KDR: variants seen among roughly 807,000 people sequenced by gnomAD.
KDR encodes the protein vascular endothelial growth factor receptor 2.
In KDR, 43 loss-of-function variants were observed where a neutral mutation model predicts 160.9. The ratio of observed to expected loss-of-function variants is 0.27; its 90% CI spans 0.21 to 0.34. The LOEUF (loss-of-function observed/expected upper bound fraction) is 0.34. KDR is among the 10% of genes least tolerant of loss of function. The probability of loss-of-function intolerance (pLI) is 1.00; values close to 1 mark genes in which losing one functional copy is unlikely to be tolerated. For missense variants in KDR, 1,469 were observed against 1,666.4 expected (o/e 0.88, Z 2.06); for synonymous variants, 617 against 600.1 (o/e 1.03, Z -0.41).
intron 27 of KDR, among the ~76,000 whole-genome samples, chr4:55,087,111 G>GA (rs1187751754): frequency 6.6e-6 from 1 of 152,162 alleles, no homozygotes; most frequent in Non-Finnish European, 1.5e-5. Flanking sequence ...CTGAAAATCA[G>GA]ACGTGGGAGG....
intron 12 of KDR, 59 bp downstream of exon 12, chr4:55,105,773 A>ATAGCT (rs1313497677): frequency 9.8e-7 from 1 of 1,023,880 alleles, no homozygotes; most frequent in Non-Finnish European, 1.6e-6. Context: ...AGGGAATTAC[A>ATAGCT]TAGCTTAGTA....
intron 2 of KDR, among the ~76,000 whole-genome samples, chr4:55,120,834 G>C (rs1046959939): frequency 1.6e-4 from 16 of 103,168 alleles, no homozygotes; most frequent in African/African-American, 6.1e-4. Flanking sequence ...ATGTGGGTGT[G>C]GGTGTGTATT....
At chr4:55,092,799 T>A in intron 21 of KDR, 85 bp from the exon 22 acceptor site, 1 of 974,168 alleles carries the variant, frequency 1.0e-6, no homozygotes, top group East Asian at 2.5e-5. Context: ...ATAATCTTTT[T>A]AAGACTTGGG....
chr4:55,113,975 G>A, intron 6 of KDR, 151 bp downstream of exon 6: 1 of 779,768 alleles, frequency 1.3e-6, no homozygotes, highest in South Asian at 1.5e-5. Context: ...AATTGTGTGT[G>A]TGTGTATGTG....
chr4:55,082,214 C>T (rs902230664), intron 28 of KDR, among the ~76,000 whole-genome samples, 173 bp from the exon 29 acceptor site: 3 of 152,208 alleles, frequency 2.0e-5, no homozygotes, highest in Admixed American at 6.5e-5. Context: ...GCAACTGCTT[C>T]CTATGAGTAG....
chr4:55,114,998 G>A lies in KDR; in HGVS notation c.534C>T (p.Ser178=), dbSNP rs770000317. 51 of 1,613,596 alleles carry A rather than the reference G, an allele frequency of 3.2e-5. No individual in the cohort carries two copies. Among genetic ancestry groups the A allele is most frequent in the Middle Eastern group, 1.6e-4 (1 of 6,082 alleles). The change falls in exon 5 of 30, where the codon TCC becomes TCT. Residue 178 remains serine (S), a synonymous_variant. Transcript: ENST00000263923. ...KRFVPDGNRI[S]WDSKKGFTIP... is the part of the protein sequence containing the mutation. The stretch of plus-strand genomic sequence containing the variant: ...TAGTAAAGCCCTTCTTGCTGTCCCA[G>A]GAAATTCTGTTACCATCAGGAACAA...
At chr4:55,115,438 G>C in intron 3 of KDR, 27 bp from the exon 4 acceptor site, 7 of 1,217,066 alleles carry the variant, frequency 5.8e-6, no homozygotes, top group Non-Finnish European at 8.5e-6. Flanking sequence ...TTTTATTAAT[G>C]AGTTAATAGT....
Position 55,105,839 on chromosome 4 carries a change from G to A in KDR, c.1638C>T (p.His546=), listed in dbSNP as rs141120216. ...CCAGAGAAGAGTACTTACTGGTCAC[G>A]TGGAAGGAGATCACCCTCTCTCCTC... The part of the protein sequence containing the change: ...VGRGERVISF[H]VTRGPEITLQ... Residue 546 remains histidine, a synonymous_variant, in exon 12 of 30, where the codon CAC becomes CAT. Coordinates refer to ENST00000263923, the MANE Select transcript of KDR (RefSeq NM_002253.4). 1.2e-4 allele frequency: 193 copies of A among 1,597,434 alleles called. No homozygotes were observed. In the African/African-American group the frequency reaches 2.3e-3, roughly 19 times the overall value.
Position 55,098,788 on chromosome 4 carries a change from G to A in KDR, c.2282C>T (p.Thr761Met), listed in dbSNP as rs139500968. The A allele has an allele frequency of 5.0e-5, 81 of 1,612,124 alleles. No individual in the cohort carries two copies. Among genetic ancestry groups the A allele is most frequent in the Admixed American group, 1.0e-4 (6 of 59,956 alleles). ...FFIIEGAQEK[T>M]NLEIIILVGT... ...TACTAGAATAATGATTTCCAAGTTCGTCTTTTCCTGGGCACCTGGAAAGAC... is the reference window on the plus strand; with the variant it reads ...TACTAGAATAATGATTTCCAAGTTCATCTTTTCCTGGGCACCTGGAAAGAC... The change falls in exon 16 of 30, where the codon ACG becomes ATG. Residue 761 changes from threonine (T) to methionine (M), a missense_variant. By Grantham distance (81) the Thr-to-Met change is moderately conservative. Around this residue, in one of 7 missense-constraint regions of KDR, gnomAD observed 118 missense variants for 110.8 expected, o/e 1.06. Coordinates refer to ENST00000263923, the MANE Select transcript of KDR (RefSeq NM_002253.4).
chr4:55,092,551 A>G, intron 22 of KDR, 66 bp downstream of exon 22: 1 of 1,127,748 alleles, frequency 8.9e-7, no homozygotes, highest in Non-Finnish European at 1.4e-6. Context: ...AATGGCTGAC[A>G]CTGGACATCT....
chr4:55,084,434 G>A (rs1202954436), intron 27 of KDR, among the ~76,000 whole-genome samples: 1 of 152,174 alleles, frequency 6.6e-6, no homozygotes, highest in African/African-American at 2.4e-5. Context: ...GGCGAGTTTG[G>A]ACAATAATTC....
intron 27 of KDR, 48 bp from the exon 28 acceptor site, chr4:55,082,683 C>T (rs2110006104): frequency 7.2e-7 from 1 of 1,395,626 alleles, no homozygotes; most frequent in African/African-American, 1.4e-5. Context: ...TATTTGACTG[C>T]AGATCGGCTA....
intron 1 of KDR, chr4:55,122,770 G>C (rs1484187038): frequency 6.6e-6 from 1 of 152,084 alleles, no homozygotes; most frequent in Non-Finnish European, 1.5e-5. Context: ...TTGTTCTTAA[G>C]ACTTTAGACT....
chr4:55,118,827 T>C, intron 2 of KDR, 27 bp from the exon 3 acceptor site: 1 of 1,574,084 alleles, frequency 6.4e-7, no homozygotes, highest in South Asian at 1.1e-5. Flanking sequence ...AGGGAGGTAT[T>C]AATATGAAGT....
chr4:55,104,740 C>A lies in KDR; in HGVS notation c.1890G>T (p.Lys630Asn), dbSNP rs2110022970. 1 of 1,613,956 alleles carries A rather than the reference C, an allele frequency of 6.2e-7. No homozygotes were observed. The highest frequency in any genetic ancestry group is 8.5e-7 in the Non-Finnish European group (1 of 1,179,894). Reference sequence around the variant, plus strand: ...CTCCTTGGTCCTGCAAGGATGCATTCTTAAGCTCCATGATCAAAATGTCAT... The same window carrying A: ...CTCCTTGGTCCTGCAAGGATGCATTATTAAGCTCCATGATCAAAATGTCAT... ...STNDILIMEL[K>N]NASLQDQGDY... Residue 630 changes from lysine (K) to asparagine (N), a missense_variant, in exon 13 of 30, where the codon AAG (lysine) becomes AAT (asparagine). Lys to Asn is a moderately conservative substitution (Grantham distance 94). Coordinates refer to ENST00000263923, the MANE Select transcript of KDR (RefSeq NM_002253.4).
In KDR at chr4:55,092,621, C is replaced by T. The variant is rs780764266; in HGVS notation, c.3065G>A (p.Arg1022Gln). Residue 1022 changes from arginine to glutamine, a missense_variant, in exon 22 of 30, where the codon CGA becomes CAA. Transcript: ENST00000263923. ...TTTCCCCTCAACCTTTCTTACCTTT[C>T]GCGATGCCAAGAACTCCATGCCCTT... ...VAKGMEFLAS[R>Q]KCIHRDLAAR... is the part of the protein sequence containing the mutation. 82 of 1,610,264 alleles carry T rather than the reference C, an allele frequency of 5.1e-5. 1 individual carries two copies. Among genetic ancestry groups the T allele is most frequent in the East Asian group, 1.6e-4 (7 of 44,854 alleles).
At chr4:55,109,381 C>T (rs541301857) in intron 9 of KDR, among the ~76,000 whole-genome samples, 6 of 152,208 alleles carry the variant, frequency 3.9e-5, no homozygotes, top group African/African-American at 1.4e-4. Flanking sequence ...CGGCACCCAG[C>T]CTATCTTTAA....
In KDR at chr4:55,106,703, A is replaced by G. The variant is rs760403550; in HGVS notation, c.1520T>C (p.Ile507Thr). Residue 507 changes from isoleucine to threonine, a missense_variant, in exon 11 of 30, where the codon ATT becomes ACT. Ile to Thr is a moderately conservative substitution (Grantham distance 89). Coordinates refer to ENST00000263923, the MANE Select transcript of KDR (RefSeq NM_002253.4). ...IEVNKNQFAL[I>T]EGKNKTVSTL... Reference sequence around the variant, plus strand: ...CAAACTCACTTTGTTTTTTCCTTCAATTAGAGCAAATTGATTTTTATTAAC... The same window carrying G: ...CAAACTCACTTTGTTTTTTCCTTCAGTTAGAGCAAATTGATTTTTATTAAC... 1 of 1,575,886 alleles carries G rather than the reference A, an allele frequency of 6.3e-7. No homozygotes were observed.
chr4:55,108,230 T>C (rs1426448352), intron 9 of KDR, among the ~76,000 whole-genome samples: 1 of 144,466 alleles, frequency 6.9e-6, no homozygotes, highest in Non-Finnish European at 1.5e-5. Context: ...AGTAACGAAA[T>C]AAAATAAAAA....
Sources: gnomAD v4.1 joint callset for allele counts (sites outside exome capture counted in the v4.1 genomes callset) on GRCh38, gnomAD v4.1.1 for gene constraint, gnomAD v4.1.1 regional missense constraint, MANE v1.5 for transcripts, NCBI Gene and HGNC (gene_info 2026-07-23, HGNC 2026-07-21) for gene names.